The following PCNX1 variants were observed in gnomAD, a reference collection of about 807,000 sequenced individuals.
PCNX1 encodes pecanex-like protein 1.
Under a neutral mutation model 242.2 loss-of-function variants are expected in PCNX1, and 78 were observed. The observed-to-expected ratio is 0.32, with a 90% CI of 0.27 to 0.39. The LOEUF (loss-of-function observed/expected upper bound fraction) is 0.39, where lower values mean the gene tolerates loss of function less well. Ranked by LOEUF, PCNX1 falls within the 10% of genes least tolerant of loss-of-function variation. The pLI is 1.00. For synonymous variants in PCNX1, 1,024 were observed against 1,032.9 expected, an observed-to-expected ratio of 0.99 and a Z score of 0.17; for missense variants, 2,581 against 2,856.5, an observed-to-expected ratio of 0.90 and a Z score of 2.20.
At chr14:70,927,921 G>A (rs74325458) in intron 1 of PCNX1, among the ~76,000 whole-genome samples, 4 of 152,038 alleles carry the variant, frequency 2.6e-5, no homozygotes, top group East Asian at 1.9e-4. Context: ...TTCAGCTTGC[G>A]GTTTCTTCTA....
chr14:70,934,996 C>T (rs369366747), intron 1 of PCNX1, among the ~76,000 whole-genome samples: 7 of 74,904 alleles, frequency 9.3e-5, no homozygotes, highest in Non-Finnish European at 2.2e-4. Context: ...CCAGACAGAC[C>T]GGTGTGTATG....
intron 8 of PCNX1, among the ~76,000 whole-genome samples, chr14:71,004,123 A>G (rs9323557): frequency 0.56 from 84,945 of 152,146 alleles, 25,113 homozygotes; most frequent in East Asian, 0.74. Flanking sequence ...TATGTTCTGT[A>G]TTGTCTTATG....
At chr14:70,927,229 G>A (rs2056626563) in intron 1 of PCNX1, among the ~76,000 whole-genome samples, 1 of 152,184 alleles carries the variant, frequency 6.6e-6, no homozygotes, top group South Asian at 2.1e-4. Flanking sequence ...TAGGTGTTCA[G>A]TAAATTGTTG....
intron 2 of PCNX1, among the ~76,000 whole-genome samples, chr14:70,948,105 A>ACAGTGAACCTC (rs2057532992): frequency 6.6e-6 from 1 of 152,154 alleles, no homozygotes; most frequent in Non-Finnish European, 1.5e-5. Context: ...GCATAGCGGG[A>ACAGTGAACCTC]CAGTGAACCT....
In PCNX1 at chr14:71,047,951, G is replaced by C. The variant is rs78161372; in HGVS notation, c.4305G>C (p.Leu1435Phe). 1,269 of 1,612,518 alleles carry C rather than the reference G, an allele frequency of 7.9e-4. 11 individuals are homozygous for C. In the African/African-American group the frequency reaches 0.015, roughly 19 times the overall value. ...DYEAFSETML[L>F]DLFFMSILFN... ...AAGCTTTTTCAGAGACCATGCTGTT[G>C]GATCTCTTCTTTATGTCCATACTCT... Residue 1435 changes from leucine to phenylalanine, a missense_variant, in exon 22 of 36, where the codon TTG becomes TTC. Physicochemically the swap from Leu to Phe is conservative, Grantham distance 22. Around this residue, in one of 9 missense-constraint regions of PCNX1, gnomAD observed 432 missense variants for 443.1 expected, o/e 0.97. Transcript: ENST00000304743.
rs182090154 is a variant in PCNX1, at chr14:71,092,209, G to A, written c.5589+2867G>A. Among the ~76,000 whole-genome samples the A allele has an allele frequency of 2.3e-3, 354 of 152,320 alleles. 1 individual carries two copies. Among genetic ancestry groups the A allele is most frequent in the Admixed American group, 5.2e-3 (80 of 15,294 alleles). ...ACAAGTGTGGAAAAAAAGAAAATTCGTGAAGCTTCCACTGTTACTACACCA... is the reference window on the plus strand; with the variant it reads ...ACAAGTGTGGAAAAAAAGAAAATTCATGAAGCTTCCACTGTTACTACACCA... On this transcript the variant is annotated intron_variant, in intron 30 of 35. Transcript: ENST00000304743.
chr14:70,965,754 G>A (rs2058360078), intron 3 of PCNX1, among the ~76,000 whole-genome samples: 1 of 151,100 alleles, frequency 6.6e-6, no homozygotes. Context: ...TAAAATAATT[G>A]TTTCCAGCTG....
intron 33 of PCNX1, among the ~76,000 whole-genome samples, chr14:71,106,465 A>C (rs2062624407): frequency 6.6e-6 from 1 of 152,142 alleles, no homozygotes. Context: ...CATAGGTTAG[A>C]GACTTTAAAA....
Position 71,009,798 on chromosome 14 carries a change from C to A in PCNX1, c.2720+74C>A, listed in dbSNP as rs2059771286. 4 of 797,318 alleles carry A rather than the reference C, an allele frequency of 5.0e-6. No homozygotes were observed. The South Asian group carries it at 7.9e-5, about 16-fold the overall frequency. The allele number at this position is 797,318 out of a possible 1,614,324, so 49.4% of individuals were successfully genotyped here. On this transcript the variant is annotated intron_variant, in intron 9 of 35. Coordinates refer to ENST00000304743, the MANE Select transcript of PCNX1 (RefSeq NM_014982.3). ...ATATTTAATGTTTTTAAGCCTAGAACTATAAAAGTTAATTTTTTTGTTTTT... is the reference window on the plus strand; with the variant it reads ...ATATTTAATGTTTTTAAGCCTAGAAATATAAAAGTTAATTTTTTTGTTTTT...
intron 1 of PCNX1, among the ~76,000 whole-genome samples, chr14:70,934,126 C>T (rs942429584): frequency 7.2e-5 from 11 of 152,308 alleles, no homozygotes; most frequent in South Asian, 4.1e-4. Context: ...AAGGTTACCT[C>T]GTGACTGTAA....
chr14:70,922,046 C>T (rs879586004), intron 1 of PCNX1, among the ~76,000 whole-genome samples: 1 of 152,042 alleles, frequency 6.6e-6, no homozygotes, highest in Non-Finnish European at 1.5e-5. Flanking sequence ...CTTATTATTT[C>T]CTACTTAGGT....
At chr14:70,969,353 C>G in intron 5 of PCNX1, 1 of 406,662 alleles carries the variant, frequency 2.5e-6, no homozygotes, top group Non-Finnish European at 4.4e-6. Context: ...TGAGCATATG[C>G]CCCAGAGTGA....
intron 5 of PCNX1, among the ~76,000 whole-genome samples, chr14:70,975,246 AT>A (rs753160473): frequency 6.6e-6 from 1 of 152,196 alleles, no homozygotes; most frequent in Non-Finnish European, 1.5e-5. Context: ...ATAATTTAAT[AT>A]TACAAAACGT....
At chr14:71,092,090 A>G (rs1242723531) in intron 30 of PCNX1, among the ~76,000 whole-genome samples, 1 of 152,248 alleles carries the variant, frequency 6.6e-6, no homozygotes, top group East Asian at 1.9e-4. Flanking sequence ...TCATGACATT[A>G]AAAGGAAAGG....
intron 34 of PCNX1, 149 bp downstream of exon 34, chr14:71,109,195 A>C: frequency 1.2e-6 from 1 of 863,732 alleles, no homozygotes. Flanking sequence ...AATTTCTTCA[A>C]ACTTAAAAAC....
chr14:71,058,405 T>G (rs1182570894), intron 26 of PCNX1, among the ~76,000 whole-genome samples: 3 of 152,206 alleles, frequency 2.0e-5, no homozygotes, highest in Non-Finnish European at 4.4e-5. Flanking sequence ...CAACTTTATG[T>G]TATCAATTCC....
At chr14:70,908,452 C>T (rs2055670912) in intron 1 of PCNX1, among the ~76,000 whole-genome samples, 1 of 152,112 alleles carries the variant, frequency 6.6e-6, no homozygotes, top group African/African-American at 2.4e-5. Flanking sequence ...CGGCCCTCGT[C>T]CGGGGCTCCC....
In PCNX1 at chr14:71,105,208, G is replaced by T. The variant is rs781515150; in HGVS notation, c.6096-27G>T. On this transcript the variant is annotated intron_variant, in intron 32 of 35. Coordinates refer to ENST00000304743, the MANE Select transcript of PCNX1 (RefSeq NM_014982.3). The stretch of plus-strand genomic sequence containing the variant: ...CATTTTGAAGTGATCTTGGAATAAT[G>T]CTTCCTACTCTGGTATTTGTTCCTA... The T allele has an allele frequency of 3.2e-6, 5 of 1,554,904 alleles. No homozygotes were observed. The East Asian group carries it at 9.0e-5, about 28-fold the overall frequency.
intron 33 of PCNX1, among the ~76,000 whole-genome samples, chr14:71,106,789 A>T (rs779201827): frequency 6.6e-6 from 1 of 151,930 alleles, no homozygotes; most frequent in African/African-American, 2.4e-5. Context: ...CTATTTTTCT[A>T]TTTGGTTATC....
Sources: allele counts gnomAD v4.1 joint callset (sites outside exome capture counted in the v4.1 genomes callset), GRCh38; gene constraint gnomAD v4.1.1; regional missense constraint gnomAD v4.1.1; transcripts MANE v1.5; gene names NCBI Gene and HGNC (gene_info 2026-07-23, HGNC 2026-07-21).